Variants in MRPL3 observed in about 807,000 individuals in gnomAD.
MRPL3 encodes large ribosomal subunit protein uL3m.
Under a neutral mutation model 44.3 loss-of-function variants are expected in MRPL3, and 43 were observed. The ratio of observed to expected loss-of-function variants is 0.97; its 90% CI spans 0.76 to 1.25. The LOEUF is 1.25. Among genes scored for constraint, MRPL3 ranks in the 50% most tolerant of loss-of-function variants. The pLI is 0.00. For missense variants in MRPL3, 406 were observed against 427.6 expected, an observed-to-expected ratio of 0.95 and a Z score of 0.45; for synonymous variants, 171 against 152.3, an observed-to-expected ratio of 1.12 and a Z score of -0.91.
chr3:131,485,357 C>A (rs1010227363), intron 6 of MRPL3, among the ~76,000 whole-genome samples: 1 of 152,142 alleles, frequency 6.6e-6, no homozygotes, highest in East Asian at 1.9e-4. Flanking sequence ...TCTGACTTTG[C>A]GTGGTTTCTT....
chr3:131,483,075 A>G (rs975940533), intron 6 of MRPL3, among the ~76,000 whole-genome samples: 1 of 151,708 alleles, frequency 6.6e-6, no homozygotes, highest in African/African-American at 2.4e-5. Context: ...TGAGGATAGA[A>G]TTAACAGTCA....
intron 6 of MRPL3, among the ~76,000 whole-genome samples, chr3:131,483,159 T>C (rs1934032022): frequency 6.6e-6 from 1 of 152,118 alleles, no homozygotes. Flanking sequence ...AATGGGAAAA[T>C]GTTAGACTCT....
intron 6 of MRPL3, among the ~76,000 whole-genome samples, chr3:131,474,812 A>T (rs1029817666): frequency 2.0e-5 from 3 of 149,604 alleles, no homozygotes; most frequent in African/African-American, 7.4e-5. Context: ...TACTCTGCCA[A>T]CCACGCTGGA....
intron 3 of MRPL3, 102 bp downstream of exon 3, chr3:131,500,328 A>G: frequency 4.4e-6 from 4 of 906,792 alleles, no homozygotes; most frequent in Non-Finnish European, 7.1e-6. Flanking sequence ...TTTCTTCACC[A>G]TACAGTTCCA....
chr3:131,469,094 G>C (rs1277685514), intron 8 of MRPL3, among the ~76,000 whole-genome samples: 1 of 152,040 alleles, frequency 6.6e-6, no homozygotes. Flanking sequence ...CATTGGTAGA[G>C]ATTGAATTCA....
Position 131,490,000 on chromosome 3 carries a change from A to G in MRPL3, c.549T>C (p.Asp183=). ...KQTVKIFNIT[D]NAAIKPGTPL... ...AATTACCTGGTTTAATTGCAGCATT[A>G]TCTGTTATATTAAAGATTTTAACTG... is the stretch of plus-strand genomic sequence containing the variant. The change falls in exon 5 of 10, where the codon GAT becomes GAC. Residue 183 remains aspartate (D), a synonymous_variant. Coordinates refer to ENST00000264995, the MANE Select transcript of MRPL3 (RefSeq NM_007208.4). 6.2e-7 allele frequency: 1 copy of G among 1,608,218 alleles called. No individual in the cohort carries two copies. Among genetic ancestry groups the G allele is most frequent in the Non-Finnish European group, 8.5e-7 (1 of 1,175,380 alleles).
At chr3:131,488,944 CT>C (rs1934189127) in intron 5 of MRPL3, 2 of 151,796 alleles carry the variant, frequency 1.3e-5, no homozygotes, top group African/African-American at 4.8e-5. Context: ...ATTAAGTGAC[CT>C]TTTATGAGGC....
chr3:131,474,083 C>T (rs1933799873), intron 6 of MRPL3, among the ~76,000 whole-genome samples: 1 of 152,062 alleles, frequency 6.6e-6, no homozygotes, highest in Non-Finnish European at 1.5e-5. Flanking sequence ...ATGAAATCAA[C>T]ATGTTGAAGA....
intron 3 of MRPL3, 117 bp downstream of exon 3, chr3:131,500,313 A>C: frequency 1.3e-6 from 1 of 759,922 alleles, no homozygotes. Context: ...GTTCAACATC[A>C]CCCCTTTCTT....
chr3:131,496,180 T>A (rs1934367639), intron 4 of MRPL3, among the ~76,000 whole-genome samples: 1 of 152,184 alleles, frequency 6.6e-6, no homozygotes, highest in African/African-American at 2.4e-5. Context: ...TACAATCAAG[T>A]AGAAAACAGT....
At chr3:131,488,491 T>C (rs1934179779) in intron 5 of MRPL3, among the ~76,000 whole-genome samples, 1 of 152,146 alleles carries the variant, frequency 6.6e-6, no homozygotes, top group Admixed American at 6.5e-5. Flanking sequence ...TAAGAACTAT[T>C]TGGCAATCAA....
chr3:131,474,904 T>C (rs1217153963), intron 6 of MRPL3, among the ~76,000 whole-genome samples: 2 of 151,836 alleles, frequency 1.3e-5, no homozygotes, highest in Non-Finnish European at 2.9e-5. Flanking sequence ...CATGAGTAGC[T>C]AGGACTACAG....
intron 6 of MRPL3, among the ~76,000 whole-genome samples, chr3:131,483,217 G>C (rs1353671983): frequency 2.0e-5 from 3 of 151,986 alleles, no homozygotes; most frequent in Non-Finnish European, 2.9e-5. Context: ...TGCTACTATA[G>C]AGCAAGAACA....
rs1380149465 is a variant in MRPL3 at position 131,490,015 on chromosome 3, G to T, written c.534C>A (p.Ile178=). The change falls in exon 5 of 10, where the codon ATC becomes ATA. Residue 178 remains isoleucine, a synonymous_variant. Transcript: ENST00000264995. ...LGLPPKQTVK[I]FNITDNAAIK... is the part of the protein sequence containing the mutation. ...TTGCAGCATTATCTGTTATATTAAA[G>T]ATTTTAACTGTCTGTTTCGGCGGCA... is the stretch of plus-strand genomic sequence containing the variant. 3.1e-6 allele frequency: 5 copies of T among 1,611,230 alleles called. No individual in the cohort carries two copies. The highest frequency in any genetic ancestry group is 3.4e-6 in the Non-Finnish European group (4 of 1,177,976).
intron 7 of MRPL3, among the ~76,000 whole-genome samples, chr3:131,470,910 G>T (rs1303086853): frequency 6.6e-6 from 1 of 152,062 alleles, no homozygotes; most frequent in Non-Finnish European, 1.5e-5. Flanking sequence ...TTCAACATTT[G>T]CACAAAGTAC....
intron 6 of MRPL3, among the ~76,000 whole-genome samples, chr3:131,485,966 T>C (rs372045662): frequency 1.3e-5 from 2 of 152,046 alleles, no homozygotes; most frequent in African/African-American, 2.4e-5. Context: ...CCCTGCAGAA[T>C]TATCATGCAA....
At chr3:131,476,020 C>CT (rs1423899864) in intron 6 of MRPL3, among the ~76,000 whole-genome samples, 1 of 152,172 alleles carries the variant, frequency 6.6e-6, no homozygotes, top group Non-Finnish European at 1.5e-5. Flanking sequence ...AACTGATGAT[C>CT]TCTTACTTAA....
intron 6 of MRPL3, among the ~76,000 whole-genome samples, chr3:131,486,597 A>C: frequency 6.6e-6 from 1 of 152,062 alleles, no homozygotes; most frequent in Non-Finnish European, 1.5e-5. Context: ...ATCTACAAAG[A>C]ACTCAAACAA....
chr3:131,464,238 T>C (rs1933551653), intron 9 of MRPL3, among the ~76,000 whole-genome samples: 1 of 152,178 alleles, frequency 6.6e-6, no homozygotes, highest in South Asian at 2.1e-4. Context: ...AATTTAGTCA[T>C]CAATGACCCA....
Sources: allele counts gnomAD v4.1 joint callset (sites outside exome capture counted in the v4.1 genomes callset), GRCh38; gene constraint gnomAD v4.1.1; transcripts MANE v1.5; gene names NCBI Gene and HGNC (gene_info 2026-07-23, HGNC 2026-07-21).